The following PDK1 variants were observed in gnomAD, a reference collection of about 807,000 sequenced individuals.
PDK1 encodes the protein [Pyruvate dehydrogenase (acetyl-transferring)] kinase isozyme 1, mitochondrial.
Under a neutral mutation model 54.2 loss-of-function variants are expected in PDK1, and 39 were observed. The observed-to-expected ratio is 0.72, with a 90% CI of 0.56 to 0.94. The LOEUF (loss-of-function observed/expected upper bound fraction) is 0.94. Ranked by LOEUF, PDK1 falls within the 40% of genes least tolerant of loss-of-function variation. The pLI is 0.00. For missense variants in PDK1, 552 were observed against 566.0 expected, an observed-to-expected ratio of 0.98 and a Z score of 0.25; for synonymous variants, 221 against 207.1, an observed-to-expected ratio of 1.07 and a Z score of -0.58.
At chr2:172,718,665 G>A in the PDK1 span, among the ~76,000 whole-genome samples, 1 of 152,118 alleles carries the variant, frequency 6.6e-6, no homozygotes, top group Non-Finnish European at 1.5e-5. Context: ...GGGTGATAAG[G>A]CAAGGTCTCA....
intron 8 of PDK1, 100 bp from the exon 9 acceptor site, chr2:172,586,178 G>T: frequency 3.7e-6 from 2 of 541,038 alleles, no homozygotes; most frequent in South Asian, 2.0e-5. Context: ...AAAAAAAAGC[G>T]CTCTCCCACC....
At chr2:172,615,287 A>G in the PDK1 span, among the ~76,000 whole-genome samples, 1 of 152,234 alleles carries the variant, frequency 6.6e-6, no homozygotes, top group Non-Finnish European at 1.5e-5. Context: ...TGAGTTGTTC[A>G]GTCACTAGAA....
chr2:172,567,984 G>A (rs906247865), intron 6 of PDK1, among the ~76,000 whole-genome samples: 6 of 152,136 alleles, frequency 3.9e-5, no homozygotes, highest in African/African-American at 1.2e-4. Flanking sequence ...TATATCCATC[G>A]AAATGCCTGA....
chr2:172,588,538 T>C (rs1690387179), intron 9 of PDK1, among the ~76,000 whole-genome samples: 1 of 152,234 alleles, frequency 6.6e-6, no homozygotes, highest in Non-Finnish European at 1.5e-5. Flanking sequence ...ATGTAAAATG[T>C]ATGTGAATTT....
At chr2:172,584,366 G>A (rs997507917) in intron 8 of PDK1, among the ~76,000 whole-genome samples, 62 of 148,952 alleles carry the variant, frequency 4.2e-4, no homozygotes, top group African/African-American at 1.5e-3. Context: ...ATGCTTCTTT[G>A]TAACTGTTTT....
At chr2:172,643,814 G>A in the PDK1 span, among the ~76,000 whole-genome samples, 2 of 152,132 alleles carry the variant, frequency 1.3e-5, no homozygotes. Flanking sequence ...TTCCAGCCTG[G>A]CTCCCTAAAG....
the PDK1 span, among the ~76,000 whole-genome samples, chr2:172,623,361 T>C: frequency 6.6e-6 from 1 of 152,138 alleles, no homozygotes; most frequent in African/African-American, 2.4e-5. Context: ...CAGCTATGAT[T>C]CCACTCCTAG....
At chr2:172,593,281 T>C (rs912390995) in intron 10 of PDK1, among the ~76,000 whole-genome samples, 1 of 152,198 alleles carries the variant, frequency 6.6e-6, no homozygotes, top group Non-Finnish European at 1.5e-5. Flanking sequence ...AAAATTGGGT[T>C]AAAGTAGAGA....
chr2:172,555,630 C>G (rs914986446), upstream of PDK1: 2 of 152,212 alleles, frequency 1.3e-5, no homozygotes, highest in African/African-American at 4.8e-5. Flanking sequence ...GGAACGCGCT[C>G]GCAGCACGAC....
chr2:172,693,458 T>A, the PDK1 span, among the ~76,000 whole-genome samples: 1,855 of 152,342 alleles, frequency 0.012, 17 homozygotes, highest in Middle Eastern at 0.031. Context: ...GGTAATAATG[T>A]TAGCATACCT....
chr2:172,556,019 C>T (rs376732760), upstream of PDK1: 7 of 614,574 alleles, frequency 1.1e-5, no homozygotes, highest in East Asian at 3.6e-5. Context: ...CGGGCTCCGG[C>T]TAGGAGGGTG....
chr2:172,687,951 A>G, the PDK1 span, among the ~76,000 whole-genome samples: 6 of 152,214 alleles, frequency 3.9e-5, 1 homozygote, highest in South Asian at 2.1e-4. Context: ...GTCCCCCTGC[A>G]CAGGGATCCC....
At chr2:172,692,172 T>A in the PDK1 span, among the ~76,000 whole-genome samples, 1 of 152,184 alleles carries the variant, frequency 6.6e-6, no homozygotes. Context: ...TACACAGATT[T>A]CCTGGCACTG....
chr2:172,567,692 A>G (rs1395022976), intron 6 of PDK1, among the ~76,000 whole-genome samples: 5 of 152,238 alleles, frequency 3.3e-5, no homozygotes, highest in African/African-American at 1.2e-4. Flanking sequence ...AATAACAATC[A>G]CAGTGTACAA....
chr2:172,713,951 G>A, the PDK1 span, among the ~76,000 whole-genome samples: 1 of 152,334 alleles, frequency 6.6e-6, no homozygotes, highest in East Asian at 1.9e-4. Context: ...GAGCTGCACA[G>A]ACACCTCTGG....
intron 8 of PDK1, among the ~76,000 whole-genome samples, chr2:172,579,437 C>T (rs1345305101): frequency 6.6e-6 from 1 of 151,964 alleles, no homozygotes; most frequent in South Asian, 2.1e-4. Context: ...ATAAATGTTC[C>T]CCAGATTGCT....
At chr2:172,615,079 G>A in the PDK1 span, among the ~76,000 whole-genome samples, 1 of 152,154 alleles carries the variant, frequency 6.6e-6, no homozygotes, top group East Asian at 1.9e-4. Flanking sequence ...GGGTGGAGTG[G>A]CCGCCTGGAT....
At chr2:172,694,585 C>T in the PDK1 span, among the ~76,000 whole-genome samples, 1 of 152,140 alleles carries the variant, frequency 6.6e-6, no homozygotes, top group Non-Finnish European at 1.5e-5. Context: ...GTGTCTAAGT[C>T]ATTCCAGTCT....
the PDK1 span, among the ~76,000 whole-genome samples, chr2:172,652,396 TGAAAACTGGCACAA>T: frequency 2.6e-5 from 4 of 152,312 alleles, no homozygotes; most frequent in South Asian, 4.1e-4. Context: ...GCATTCCCTT[TGAAAACTGGCACAA>T]GACAGGGATG....
Sources: gnomAD v4.1 joint callset for allele counts (sites outside exome capture counted in the v4.1 genomes callset) on GRCh38, gnomAD v4.1.1 for gene constraint, MANE v1.5 for transcripts, NCBI Gene and HGNC (gene_info 2026-07-23, HGNC 2026-07-21) for gene names.